UNC5D: variants seen among roughly 807,000 people sequenced by gnomAD.
UNC5D encodes the protein unc-5 netrin receptor D.
In UNC5D, 39 loss-of-function variants were observed where a neutral mutation model predicts 105.4. The observed-to-expected ratio is 0.37, with a 90% CI of 0.29 to 0.48. UNC5D has a LOEUF of 0.48. Ranked by LOEUF, UNC5D falls within the 20% of genes least tolerant of loss-of-function variation. The pLI is 0.98. For synonymous variants in UNC5D, 452 were observed against 450.4 expected (o/e 1.00, Z -0.04); for missense variants, 991 against 1,202.4 (o/e 0.82, Z 2.60).
intron 4 of UNC5D, among the ~76,000 whole-genome samples, chr8:35,620,991 T>C (rs1328462278): frequency 6.6e-6 from 1 of 152,114 alleles, no homozygotes; most frequent in Non-Finnish European, 1.5e-5. Context: ...CTGGGGAGCT[T>C]TCCTGTTCAG....
At chr8:35,302,217 T>G (rs1322043460) in intron 1 of UNC5D, among the ~76,000 whole-genome samples, 1 of 152,200 alleles carries the variant, frequency 6.6e-6, no homozygotes, top group East Asian at 1.9e-4. Context: ...TTTGAAGGAA[T>G]GAGAGAAGCT....
intron 1 of UNC5D, among the ~76,000 whole-genome samples, chr8:35,516,655 A>G (rs1176201897): frequency 1.3e-5 from 2 of 152,028 alleles, no homozygotes; most frequent in Admixed American, 1.3e-4. Flanking sequence ...ATCTCTCCCA[A>G]ATTCATCTAC....
intron 1 of UNC5D, among the ~76,000 whole-genome samples, chr8:35,378,025 A>G (rs977362379): frequency 6.6e-5 from 10 of 152,060 alleles, no homozygotes; most frequent in Non-Finnish European, 1.5e-4. Context: ...GTTCCCAGTG[A>G]TTAGGTGATT....
At chr8:35,265,252 G>T (rs140141872) in intron 1 of UNC5D, among the ~76,000 whole-genome samples, 82 of 152,214 alleles carry the variant, frequency 5.4e-4, no homozygotes, top group Non-Finnish European at 1.1e-3. Context: ...TAAATATGGA[G>T]CTATAATGAT....
rs1193032280 is a variant in UNC5D, at chr8:35,613,780, C to T, written c.570+18123C>T. On this transcript the variant is annotated intron_variant, in intron 4 of 16. Transcript: ENST00000404895. ...ATGAGAATACCTTGAACCTGGGAGGCGGAGGTTGCAGTGAGCCAAGATGGT... is the reference window on the plus strand; with the variant it reads ...ATGAGAATACCTTGAACCTGGGAGGTGGAGGTTGCAGTGAGCCAAGATGGT... 3.3e-5 allele frequency among the ~76,000 whole-genome samples: 5 copies of T among 152,122 alleles called. No homozygotes were observed. The East Asian group carries it at 7.7e-4, about 24-fold the overall frequency.
At chr8:35,432,959 A>T (rs1339430842) in intron 1 of UNC5D, among the ~76,000 whole-genome samples, 1 of 152,216 alleles carries the variant, frequency 6.6e-6, no homozygotes, top group African/African-American at 2.4e-5. Flanking sequence ...AAATATATTT[A>T]CTGATTAACT....
At chr8:35,741,951 G>A (rs575568385) in intron 11 of UNC5D, among the ~76,000 whole-genome samples, 1 of 152,152 alleles carries the variant, frequency 6.6e-6, no homozygotes, top group South Asian at 2.1e-4. Flanking sequence ...AAACATCACA[G>A]TTTTAGAACC....
At chr8:35,694,144 C>G (rs7842349) in intron 7 of UNC5D, among the ~76,000 whole-genome samples, 186 of 152,222 alleles carry the variant, frequency 1.2e-3, no homozygotes, top group African/African-American at 4.2e-3. Flanking sequence ...AATCTTAGAA[C>G]CAGCTCGTCG....
intron 1 of UNC5D, among the ~76,000 whole-genome samples, chr8:35,479,607 C>T (rs62505505): frequency 0.024 from 3,695 of 152,066 alleles, 62 homozygotes; most frequent in Non-Finnish European, 0.034. Flanking sequence ...AGTACACAGC[C>T]GTATAAAAGA....
chr8:35,328,746 A>C (rs1017670803), intron 1 of UNC5D, among the ~76,000 whole-genome samples: 2 of 152,196 alleles, frequency 1.3e-5, no homozygotes, highest in South Asian at 4.1e-4. Context: ...AGCTTCTTCC[A>C]AGGCAGTCAG....
chr8:35,757,264 A>C (rs1830558815), intron 13 of UNC5D, among the ~76,000 whole-genome samples: 1 of 152,126 alleles, frequency 6.6e-6, no homozygotes, highest in Admixed American at 6.6e-5. Context: ...CAAAAATAAA[A>C]TACAAAGTCC....
At chr8:35,291,667 G>A (rs978281952) in intron 1 of UNC5D, among the ~76,000 whole-genome samples, 2 of 152,146 alleles carry the variant, frequency 1.3e-5, no homozygotes, top group African/African-American at 4.8e-5. Flanking sequence ...TTGGGTGGTG[G>A]ATTGTGTGCC....
chr8:35,554,456 G>A (rs1816388774), intron 2 of UNC5D, among the ~76,000 whole-genome samples: 1 of 152,296 alleles, frequency 6.6e-6, no homozygotes, highest in African/African-American at 2.4e-5. Context: ...CGTCTTCCTT[G>A]TGTTGTTCTT....
At chr8:35,431,351 G>A (rs1459609762) in intron 1 of UNC5D, among the ~76,000 whole-genome samples, 1 of 152,008 alleles carries the variant, frequency 6.6e-6, no homozygotes. Context: ...AATTTTACAT[G>A]GAATTTATGC....
At position 35,731,067 on chromosome 8, in the gene UNC5D, T is replaced by G. The variant is rs1164767676; in HGVS notation, c.1737T>G (p.Ile579Met). ...GAIPEENSWE[I>M]YMSINQGEPS... Reference sequence around the variant, plus strand: ...TCCCAGAGGAGAATTCTTGGGAGATTTATATGTCCATCAACCAAGGTGAAC... The same window carrying G: ...TCCCAGAGGAGAATTCTTGGGAGATGTATATGTCCATCAACCAAGGTGAAC... The change falls in exon 11 of 17, where the codon ATT (isoleucine) becomes ATG (methionine). Residue 579 changes from isoleucine (I) to methionine (M), a missense_variant. This residue lies in a region of UNC5D where 944 missense variants were observed against 1,131.6 expected (regional missense o/e 0.83). Transcript: ENST00000404895. 6.2e-7 allele frequency: 1 copy of G among 1,613,856 alleles called. No individual in the cohort carries two copies. The highest frequency in any genetic ancestry group is 1.7e-5 in the Admixed American group (1 of 59,986).
At chr8:35,267,908 A>T (rs1309262512) in intron 1 of UNC5D, among the ~76,000 whole-genome samples, 2 of 152,330 alleles carry the variant, frequency 1.3e-5, no homozygotes, top group South Asian at 2.1e-4. Flanking sequence ...TAGATTTCTA[A>T]CTTGCAAAGA....
intron 15 of UNC5D, among the ~76,000 whole-genome samples, chr8:35,774,033 T>C (rs570047435): frequency 6.6e-6 from 1 of 152,242 alleles, no homozygotes; most frequent in East Asian, 1.9e-4. Context: ...CTCTGACAGC[T>C]CTTTTAATGC....
At chr8:35,507,049 C>CTTTTTTTT (rs71215631) in intron 1 of UNC5D, among the ~76,000 whole-genome samples, 12 of 76,176 alleles carry the variant, frequency 1.6e-4, no homozygotes, top group Admixed American at 3.5e-4. Context: ...CAGGGCTTTT[C>CTTTTTTTT]TTTTTTTTTT....
chr8:35,737,856 C>T (rs1364634562), intron 11 of UNC5D, among the ~76,000 whole-genome samples: 1 of 152,154 alleles, frequency 6.6e-6, no homozygotes, highest in East Asian at 1.9e-4. Context: ...CTTGTAATCC[C>T]AGCACTTTGG....
Sources: allele counts gnomAD v4.1 joint callset (sites outside exome capture counted in the v4.1 genomes callset), GRCh38; gene constraint gnomAD v4.1.1; regional missense constraint gnomAD v4.1.1; transcripts MANE v1.5; gene names NCBI Gene and HGNC (gene_info 2026-07-23, HGNC 2026-07-21).